Variants in FOLR2 observed in about 807,000 individuals in gnomAD.
The protein encoded by FOLR2 is folate receptor beta.
A neutral mutation model predicts 20.4 loss-of-function variants in FOLR2; 14 were observed. The observed-to-expected ratio is 0.68, with a 90% CI of 0.45 to 1.07. The LOEUF (loss-of-function observed/expected upper bound fraction) is 1.07. Ranked by LOEUF, FOLR2 falls within the 50% of genes least tolerant of loss-of-function variation. The probability of loss-of-function intolerance (pLI) is 0.00; values close to 1 mark genes in which losing one functional copy is unlikely to be tolerated. For synonymous variants in FOLR2, 114 were observed against 114.3 expected, an observed-to-expected ratio of 1.00 and a Z score of 0.02; for missense variants, 269 against 322.6, an observed-to-expected ratio of 0.83 and a Z score of 1.27.
In FOLR2 at chr11:72,221,181, T is replaced by C. The variant is rs780974334; in HGVS notation, c.345T>C (p.Asn115=). The C allele has an allele frequency of 1.3e-5, 21 of 1,609,968 alleles. No homozygotes were observed. Among genetic ancestry groups the C allele is most frequent in the Non-Finnish European group, 1.8e-5 (21 of 1,178,718 alleles). Residue 115 remains asparagine, a synonymous_variant, in exon 4 of 5, where the codon AAT becomes AAC. Transcript: ENST00000298223. Reference sequence around the variant, plus strand: ...CCTCCCCACCTCCCACCCAGGTGAATCAGAGCTGGCGCAAAGAACGCTTCC... The same window carrying C: ...CCTCCCCACCTCCCACCCAGGTGAACCAGAGCTGGCGCAAAGAACGCTTCC... ...PNLGPWIQQV[N]QSWRKERFLD...
chr11:72,221,326 G>A lies in FOLR2; in HGVS notation c.475+15G>A. 1 of 1,611,552 alleles carries A rather than the reference G, an allele frequency of 6.2e-7. No individual in the cohort carries two copies. Among genetic ancestry groups the A allele is most frequent in the African/African-American group, 1.3e-5 (1 of 74,988 alleles). On this transcript the variant is annotated intron_variant, in intron 4 of 4. Coordinates refer to ENST00000298223, the MANE Select transcript of FOLR2 (RefSeq NM_000803.5). ...CTGGACCTCAGGTGAGGGTGATTGA[G>A]TTGGGGTTAGGAAAAAGGAGATTGA...
intron 1 of FOLR2, chr11:72,217,505 A>C: frequency 2.7e-6 from 2 of 735,186 alleles, no homozygotes; most frequent in Non-Finnish European, 4.1e-6. Flanking sequence ...ACAGAGCCCA[A>C]AGGAACAGCT....
Position 72,221,828 on chromosome 11 carries a change from C to T in FOLR2, c.*66C>T, listed in dbSNP as rs1948502004. The T allele has an allele frequency of 6.8e-7, 1 of 1,461,814 alleles. No individual in the cohort carries two copies. Among genetic ancestry groups the T allele is most frequent in the South Asian group, 1.3e-5 (1 of 79,194 alleles). The allele number at this position is 1,461,814 out of a possible 1,614,324, so 90.6% of individuals were successfully genotyped here. ...CAGGCTGGGCTCAGCTCAGCTCCCA[C>T]AAATGACAGCCCCTTAAGCATGCTT... On this transcript the variant is annotated 3_prime_UTR_variant, in exon 5 of 5. Transcript: ENST00000298223.
intron 1 of FOLR2, chr11:72,217,196 T>C (rs1239000064): frequency 1.6e-5 from 8 of 511,646 alleles, no homozygotes; most frequent in Admixed American, 3.1e-5. Flanking sequence ...GGCTAATTTT[T>C]GTATTTTTAG....
Position 72,221,641 on chromosome 11 carries a change from A to G in FOLR2, c.647A>G (p.Asn216Ser), listed in dbSNP as rs147191264. ...MWFDSAQGNP[N>S]EEVARFYAAA... ...TTTGATTCAGCCCAGGGCAACCCCA[A>G]CGAGGAAGTGGCGAGGTTCTATGCT... Residue 216 changes from asparagine (N) to serine (S), a missense_variant, in exon 5 of 5, where the codon AAC becomes AGC. Physicochemically the swap from Asn to Ser is conservative, Grantham distance 46 (BLOSUM62 1). Transcript: ENST00000298223. The G allele has an allele frequency of 1.1e-5, 18 of 1,614,100 alleles. No homozygotes were observed. In the African/African-American group the frequency reaches 1.5e-4, roughly 13 times the overall value.
At position 72,221,101 on chromosome 11, in the gene FOLR2, C is replaced by G. The variant is rs374592973; in HGVS notation, c.339+43C>G. On this transcript the variant is annotated intron_variant, in intron 3 of 4. Transcript: ENST00000298223. ...CACCCACCCCAGCAGACTGCCATCC[C>G]CCTCAGTCACTTCAAGGCGATGGCT... 1.9e-6 allele frequency: 3 copies of G among 1,564,724 alleles called. No individual in the cohort carries two copies. The African/African-American group carries it at 4.1e-5, about 21-fold the overall frequency.
At position 72,221,067 on chromosome 11, in the gene FOLR2, T is replaced by TCGGGGGGGGGGGGGGCCCC; in HGVS notation, c.339+10_339+11insGGGGGGGGGGGGGGCCCCC. The TCGGGGGGGGGGGGGGCCCC allele has an allele frequency of 1.3e-5, 21 of 1,569,930 alleles. No homozygotes were observed. The highest frequency in any genetic ancestry group is 1.8e-5 in the Non-Finnish European group (21 of 1,154,748). Reference sequence around the variant, plus strand: ...GGCCCTGGATCCAGCAGGTAGGGTGTCTCCCCCCCACCCACCCCAGCAGAC... The same window carrying TCGGGGGGGGGGGGGGCCCC: ...GGCCCTGGATCCAGCAGGTAGGGTGTCGGGGGGGGGGGGGGCCCCCTCCCCCCCACCCACCCCAGCAGAC... On this transcript the variant is annotated intron_variant, in intron 3 of 4. Transcript: ENST00000298223.
chr11:72,219,048 A>G (rs1230926673), intron 2 of FOLR2, among the ~76,000 whole-genome samples: 1 of 152,232 alleles, frequency 6.6e-6, no homozygotes, highest in African/African-American at 2.4e-5. Flanking sequence ...TCCACATTAC[A>G]CAAGTAAGTG....
Position 72,221,263 on chromosome 11 carries a change from T to A in FOLR2, c.427T>A (p.Ser143Thr). 6.2e-7 allele frequency: 1 copy of A among 1,613,862 alleles called. No individual in the cohort carries two copies. The highest frequency in any genetic ancestry group is 8.5e-7 in the Non-Finnish European group (1 of 1,179,872). ...CQRWWEDCHTSHTCKSNWHRG... is the reference protein window; with the variant it reads ...CQRWWEDCHTTHTCKSNWHRG... ...GCGCTGGTGGGAGGATTGTCACACC[T>A]CCCACACGTGCAAGAGCAACTGGCA... The change falls in exon 4 of 5, where the codon TCC becomes ACC. Residue 143 changes from serine to threonine, a missense_variant. Ser to Thr is a moderately conservative substitution (Grantham distance 58, BLOSUM62 1). Coordinates refer to ENST00000298223, the MANE Select transcript of FOLR2 (RefSeq NM_000803.5).
rs1948472410 is a variant in FOLR2 at position 72,220,850 on chromosome 11, C to T, written c.151-20C>T. On this transcript the variant is annotated intron_variant, in intron 2 of 4. Coordinates refer to ENST00000298223, the MANE Select transcript of FOLR2 (RefSeq NM_000803.5). ...AGGAGGGTATGGGGAGGCACTTAGT[C>T]CTGTGTCTTCCCCACCCAGTGCAGT... is the stretch of plus-strand genomic sequence containing the variant. The T allele has an allele frequency of 6.2e-7, 1 of 1,613,678 alleles. No individual in the cohort carries two copies. Among genetic ancestry groups the T allele is most frequent in the South Asian group, 1.1e-5 (1 of 91,050 alleles).
chr11:72,218,889 G>A, intron 2 of FOLR2, among the ~76,000 whole-genome samples, 155 bp downstream of exon 2: 1 of 152,220 alleles, frequency 6.6e-6, no homozygotes, highest in Admixed American at 6.5e-5. Flanking sequence ...GAGTGGCTGA[G>A]GTGATTTTAG....
At chr11:72,217,139 C>T (rs1565372543) in intron 1 of FOLR2, among the ~76,000 whole-genome samples, 1 of 152,182 alleles carries the variant, frequency 6.6e-6, no homozygotes. Context: ...ATTCTCCTGC[C>T]TCAGCCTCCT....
chr11:72,217,024 G>A (rs1948401225), intron 1 of FOLR2, 99 bp downstream of exon 1: 3 of 1,274,996 alleles, frequency 2.4e-6, no homozygotes, highest in Non-Finnish European at 2.2e-6. Context: ...GTATTGTATT[G>A]TATTGTATTG....
intron 1 of FOLR2, 128 bp downstream of exon 1, chr11:72,217,053 C>A: frequency 1.9e-6 from 2 of 1,044,784 alleles, no homozygotes; most frequent in South Asian, 2.9e-5. Flanking sequence ...GAGACAGAGT[C>A]TCGCTCTGTC....
At chr11:72,220,482 A>G (rs1327138504) in intron 2 of FOLR2, among the ~76,000 whole-genome samples, 1 of 152,184 alleles carries the variant, frequency 6.6e-6, no homozygotes, top group African/African-American at 2.4e-5. Context: ...AATTCCATGA[A>G]TACATATTTC....
intron 2 of FOLR2, among the ~76,000 whole-genome samples, 155 bp downstream of exon 2, chr11:72,218,889 G>C (rs1948438246): frequency 6.6e-6 from 1 of 152,220 alleles, no homozygotes; most frequent in Admixed American, 6.5e-5. Context: ...GAGTGGCTGA[G>C]GTGATTTTAG....
At position 72,221,014 on chromosome 11, in the gene FOLR2, T is replaced by G. The variant is rs765983993; in HGVS notation, c.295T>G (p.Cys99Gly). Residue 99 changes from cysteine to glycine, a missense_variant, in exon 3 of 5, where the codon TGT becomes GGT. By Grantham distance (159) the Cys-to-Gly change is radical. Coordinates refer to ENST00000298223, the MANE Select transcript of FOLR2 (RefSeq NM_000803.5). ...CAAGCGCCACTTCATCCAGGACACCTGTCTCTATGAGTGCTCACCCAACCT... is the reference window on the plus strand; with the variant it reads ...CAAGCGCCACTTCATCCAGGACACCGGTCTCTATGAGTGCTCACCCAACCT... ...ACKRHFIQDTCLYECSPNLGP... is the reference protein window; with the variant it reads ...ACKRHFIQDTGLYECSPNLGP... 1.3e-5 allele frequency: 21 copies of G among 1,613,738 alleles called. No homozygotes were observed. In the South Asian group the frequency reaches 2.3e-4, roughly 18 times the overall value.
rs894562898 is a variant in FOLR2, at chr11:72,221,759, C to T, written c.765C>T (p.Gly255=). ...LALMLQLWLL[G] ...TGATGCTGCAACTCTGGCTCCTTGG[C>T]TGAGTTCAGTCCTCCCAGACTACCT... is the stretch of plus-strand genomic sequence containing the variant. The change falls in exon 5 of 5, where the codon GGC becomes GGT. Residue 255 remains glycine, a synonymous_variant. Coordinates refer to ENST00000298223, the MANE Select transcript of FOLR2 (RefSeq NM_000803.5). 1.2e-6 allele frequency: 2 copies of T among 1,612,486 alleles called. No individual in the cohort carries two copies. Among genetic ancestry groups the T allele is most frequent in the African/African-American group, 1.3e-5 (1 of 74,912 alleles).
intron 2 of FOLR2, among the ~76,000 whole-genome samples, chr11:72,220,383 C>A (rs1203492260): frequency 1.3e-5 from 2 of 152,192 alleles, no homozygotes; most frequent in Admixed American, 6.5e-5. Flanking sequence ...TATCATTTAA[C>A]TTTTCCCATA....
Sources: allele counts gnomAD v4.1 joint callset (sites outside exome capture counted in the v4.1 genomes callset), GRCh38; gene constraint gnomAD v4.1.1; transcripts MANE v1.5; gene names NCBI Gene and HGNC (gene_info 2026-07-23, HGNC 2026-07-21).